ZKSCAN1: variants seen among roughly 807,000 people sequenced by gnomAD.
ZKSCAN1 encodes the protein zinc finger protein with KRAB and SCAN domains 1.
A neutral mutation model predicts 51.6 loss-of-function variants in ZKSCAN1; 14 were observed. That is an observed-to-expected ratio of 0.27 (90% confidence interval 0.18 to 0.42). The LOEUF (loss-of-function observed/expected upper bound fraction) is 0.42, where lower values mean the gene tolerates loss of function less well. Ranked by LOEUF, ZKSCAN1 falls within the 10% of genes least tolerant of loss-of-function variation. The pLI is 1.00. For synonymous variants in ZKSCAN1, 263 were observed against 261.5 expected, an observed-to-expected ratio of 1.01 and a Z score of -0.06; for missense variants, 531 against 710.0, an observed-to-expected ratio of 0.75 and a Z score of 2.86.
At position 100,033,086 on chromosome 7, in the gene ZKSCAN1, C is replaced by G. The variant is rs192927959; in HGVS notation, c.800-219C>G. ...ACTTGGGAGGCTGAGGCAGGAGAATCACTTGAACCTGGGAGGCGGAGGTTG... is the reference window on the plus strand; with the variant it reads ...ACTTGGGAGGCTGAGGCAGGAGAATGACTTGAACCTGGGAGGCGGAGGTTG... On this transcript the variant is annotated intron_variant, in intron 5 of 5. Coordinates refer to ENST00000324306, the MANE Select transcript of ZKSCAN1 (RefSeq NM_003439.4). This position sits in a 1 kb window ranked among gnomAD's most constrained non-coding sequence, Gnocchi z 4.1. Among the ~76,000 whole-genome samples, 9 of 151,678 alleles carry G rather than the reference C, an allele frequency of 5.9e-5. No individual in the cohort carries two copies. The highest frequency in any genetic ancestry group is 2.2e-4 in the African/African-American group (9 of 41,360).
intron 1 of ZKSCAN1, among the ~76,000 whole-genome samples, chr7:100,018,904 CTG>C (rs1203140537): frequency 6.6e-6 from 1 of 152,190 alleles, no homozygotes; most frequent in African/African-American, 2.4e-5. Context: ...GTGCCCATGT[CTG>C]TGTCTATTTC....
In ZKSCAN1 at chr7:100,039,860, GA is replaced by G. The variant is rs2115990896; in HGVS notation, c.*5668del. On this transcript the variant is annotated 3_prime_UTR_variant, in exon 6 of 6. Coordinates refer to ENST00000324306, the MANE Select transcript of ZKSCAN1 (RefSeq NM_003439.4). ...TTGTTAAATGAAATATAGAATCAGA[GA>G]AAAAGAAAAGTCAGTGATATAAATA... 1 of 985,202 alleles carries G rather than the reference GA, an allele frequency of 1.0e-6. No individual in the cohort carries two copies. Among genetic ancestry groups the G allele is most frequent in the East Asian group, 1.1e-4 (1 of 8,812 alleles). The allele number at this position is 985,202 out of a possible 1,614,324, so 61.0% of individuals were successfully genotyped here.
chr7:100,017,416 T>A (rs1341030875), intron 1 of ZKSCAN1, among the ~76,000 whole-genome samples: 1 of 152,102 alleles, frequency 6.6e-6, no homozygotes, highest in Non-Finnish European at 1.5e-5. Context: ...AGAGACAGAG[T>A]TTCGCCATGT....
intron 5 of ZKSCAN1, among the ~76,000 whole-genome samples, chr7:100,031,712 C>T (rs185703053): frequency 6.6e-6 from 1 of 152,300 alleles, no homozygotes; most frequent in East Asian, 1.9e-4. Flanking sequence ...ACTGTCAGCT[C>T]TGTGTTCCTC....
At chr7:100,029,666 T>C (rs187549732) in intron 3 of ZKSCAN1, among the ~76,000 whole-genome samples, 195 bp from the exon 4 acceptor site, 1 of 152,300 alleles carries the variant, frequency 6.6e-6, no homozygotes, top group East Asian at 1.9e-4. Flanking sequence ...CTTTTATGAC[T>C]CCTGCTCAAG....
intron 3 of ZKSCAN1, among the ~76,000 whole-genome samples, chr7:100,029,003 A>G: frequency 6.6e-6 from 1 of 151,896 alleles, no homozygotes; most frequent in East Asian, 1.9e-4. Flanking sequence ...CGCCTCTACT[A>G]AAAATACAAA....
intron 4 of ZKSCAN1, 29 bp from the exon 5 acceptor site, chr7:100,030,220 A>G (rs1180701585): frequency 6.2e-7 from 1 of 1,606,420 alleles, no homozygotes; most frequent in Non-Finnish European, 8.5e-7. Context: ...GTTTGGGGGG[A>G]AATGACTGTT....
Position 100,040,806 on chromosome 7 carries a change from CT to C in ZKSCAN1, c.*6614del. 1.0e-6 allele frequency: 1 copy of C among 985,330 alleles called. No individual in the cohort carries two copies. Among genetic ancestry groups the C allele is most frequent in the Non-Finnish European group, 1.2e-6 (1 of 829,920 alleles). 61.0% of individuals were successfully genotyped at this position (985,330 alleles called of 1,614,324 possible). On this transcript the variant is annotated 3_prime_UTR_variant, in exon 6 of 6. Coordinates refer to ENST00000324306, the MANE Select transcript of ZKSCAN1 (RefSeq NM_003439.4). ...TCAACCAGAGAAGAGCATCCGGTTG[CT>C]TTTTAAAGCTTTTAGCCTGCCCTAG...
downstream of ZKSCAN1, among the ~76,000 whole-genome samples, chr7:100,042,064 A>T (rs1476546968): frequency 1.3e-5 from 2 of 152,156 alleles, no homozygotes; most frequent in Non-Finnish European, 2.9e-5. Context: ...TATGCCTGTA[A>T]TCCCTGCAGT....
downstream of ZKSCAN1, among the ~76,000 whole-genome samples, chr7:100,042,180 G>A (rs187912585): frequency 1.6e-4 from 25 of 152,088 alleles, no homozygotes; most frequent in East Asian, 4.3e-3. Flanking sequence ...TTAACCAGGC[G>A]TGGTGGCGGG....
At position 100,034,302 on chromosome 7, in the gene ZKSCAN1, A is replaced by G. The variant is rs894400321; in HGVS notation, c.*105A>G. 2.8e-5 allele frequency: 41 copies of G among 1,483,092 alleles called. 1 individual carries two copies. In the Admixed American group the frequency reaches 9.8e-4, roughly 35 times the overall value. 91.9% of individuals were successfully genotyped at this position (1,483,092 alleles called of 1,614,324 possible). On this transcript the variant is annotated 3_prime_UTR_variant, in exon 6 of 6. Transcript: ENST00000324306. ...GAAATACAGCCTCAACAGATTAAAAAACAAAAGTCACACTTAAGGATCCTT... is the reference window on the plus strand; with the variant it reads ...GAAATACAGCCTCAACAGATTAAAAGACAAAAGTCACACTTAAGGATCCTT...
rs1791227852 is a variant in ZKSCAN1 at position 100,033,910 on chromosome 7, G to A, written c.1405G>A (p.Ala469Thr). The A allele has an allele frequency of 6.2e-7, 1 of 1,614,102 alleles. No homozygotes were observed. Among genetic ancestry groups the A allele is most frequent in the Non-Finnish European group, 8.5e-7 (1 of 1,180,052 alleles). Residue 469 changes from alanine to threonine, a missense_variant, in exon 6 of 6, where the codon GCC becomes ACC. By Grantham distance (58) the Ala-to-Thr change is moderately conservative (BLOSUM62 0). Around this residue, in one of 2 missense-constraint regions of ZKSCAN1, gnomAD observed 128 missense variants for 219.5 expected, o/e 0.58. Transcript: ENST00000324306. The surrounding 1 kb of genome is among the most constrained non-coding windows in gnomAD (Gnocchi z 4.1). ...KPYECNECGKAFSQSSDLTKH... is the reference protein window; with the variant it reads ...KPYECNECGKTFSQSSDLTKH... ...TTATGAATGTAATGAGTGCGGGAAG[G>A]CCTTCAGCCAGAGCTCGGACCTCAC...
chr7:100,041,322 A>ATT lies in ZKSCAN1; in HGVS notation c.*7134_*7135dup. The ATT allele has an allele frequency of 1.1e-6, 1 of 939,396 alleles. No individual in the cohort carries two copies. The highest frequency in any genetic ancestry group is 1.3e-6 in the Non-Finnish European group (1 of 789,016). The allele number at this position is 939,396 out of a possible 1,614,324, so 58.2% of individuals were successfully genotyped here. A position where few individuals can be genotyped will look rare whatever the true frequency, so the allele number is the denominator to read the frequency against. On this transcript the variant is annotated 3_prime_UTR_variant, in exon 6 of 6. Coordinates refer to ENST00000324306, the MANE Select transcript of ZKSCAN1 (RefSeq NM_003439.4). Reference sequence around the variant, plus strand: ...ATGCTTGGTAGATGTTCAATACGTGATTTTTTTTTTAATTGAATGTGTTCA... The same window carrying ATT: ...ATGCTTGGTAGATGTTCAATACGTGATTTTTTTTTTTTAATTGAATGTGTTCA...
intron 1 of ZKSCAN1, among the ~76,000 whole-genome samples, chr7:100,021,223 C>T (rs896525625): frequency 2.1e-5 from 3 of 141,346 alleles, no homozygotes; most frequent in South Asian, 2.3e-4. Flanking sequence ...TGGGTTCAAG[C>T]GATTCTCCTG....
At chr7:100,042,143 A>AC (rs1463738426), downstream of ZKSCAN1, among the ~76,000 whole-genome samples, 1 of 152,006 alleles carries the variant, frequency 6.6e-6, no homozygotes, top group African/African-American at 2.4e-5. Context: ...ACATGGTGAA[A>AC]CCCCCTCTCT....
In ZKSCAN1 at chr7:100,039,911, G is replaced by A; in HGVS notation, c.*5714G>A. 1.0e-6 allele frequency: 1 copy of A among 982,054 alleles called. No individual in the cohort carries two copies. Among genetic ancestry groups the A allele is most frequent in the African/African-American group, 1.7e-5 (1 of 57,158 alleles). The allele number at this position is 982,054 out of a possible 1,614,324, so 60.8% of individuals were successfully genotyped here. On this transcript the variant is annotated 3_prime_UTR_variant, in exon 6 of 6. Transcript: ENST00000324306. The stretch of plus-strand genomic sequence containing the variant: ...AGATCATTTCATAGAAATTAGGGTA[G>A]ATTTTTATTTCAACTACTACTGGAG...
Position 100,040,859 on chromosome 7 carries a change from A to G in ZKSCAN1, c.*6662A>G, listed in dbSNP as rs563939588. ...AAGGACAAAGCATGTTAGATTAGAG[A>G]TGCTTCTGCTGATCGCAGGGGTTCT... On this transcript the variant is annotated 3_prime_UTR_variant, in exon 6 of 6. Transcript: ENST00000324306. The G allele has an allele frequency of 8.1e-6, 8 of 985,102 alleles. No homozygotes were observed. The East Asian group carries it at 4.6e-4, about 56-fold the overall frequency. 61.0% of individuals were successfully genotyped at this position (985,102 alleles called of 1,614,324 possible). A position where few individuals can be genotyped will look rare whatever the true frequency, so the allele number is the denominator to read the frequency against.
At chr7:100,019,513 A>C (rs1790511104) in intron 1 of ZKSCAN1, among the ~76,000 whole-genome samples, 1 of 151,240 alleles carries the variant, frequency 6.6e-6, no homozygotes, top group East Asian at 2.0e-4. Flanking sequence ...GCCCTGATTG[A>C]TTCTTCATTG....
At chr7:100,021,263 G>A (rs2115832790) in intron 1 of ZKSCAN1, among the ~76,000 whole-genome samples, 1 of 151,736 alleles carries the variant, frequency 6.6e-6, no homozygotes, top group South Asian at 2.1e-4. Context: ...TGGGATTACA[G>A]GCGCCTGCTA....
Sources: allele counts gnomAD v4.1 joint callset (sites outside exome capture counted in the v4.1 genomes callset), GRCh38; gene constraint gnomAD v4.1.1; regional missense constraint gnomAD v4.1.1; non-coding constraint Gnocchi (gnomAD v3.1); transcripts MANE v1.5; gene names NCBI Gene and HGNC (gene_info 2026-07-23, HGNC 2026-07-21).